ADAMTS17: variants seen among roughly 807,000 people sequenced by gnomAD.
ADAMTS17 encodes A disintegrin and metalloproteinase with thrombospondin motifs 17.
ADAMTS17 carries 113 observed loss-of-function variants against 141.5 expected under a neutral mutation model. That is an observed-to-expected ratio of 0.80 (90% CI 0.69 to 0.93). ADAMTS17 has a LOEUF of 0.93. Among genes scored for constraint, ADAMTS17 ranks in the 40% least tolerant of loss-of-function variants. The pLI is 0.00. For missense variants in ADAMTS17, 1,659 were observed against 1,517.9 expected, an observed-to-expected ratio of 1.09 and a Z score of -1.54; for synonymous variants, 768 against 630.6, an observed-to-expected ratio of 1.22 and a Z score of -3.27.
At chr15:100,023,660 C>G (rs1026667841) in intron 18 of ADAMTS17, among the ~76,000 whole-genome samples, 5 of 152,302 alleles carry the variant, frequency 3.3e-5, no homozygotes, top group Admixed American at 3.3e-4. Flanking sequence ...CTTGCCTTCT[C>G]CCTATCTCTT....
intron 15 of ADAMTS17, chr15:100,074,184 C>T (rs1010286293): frequency 3.9e-5 from 6 of 153,052 alleles, no homozygotes; most frequent in East Asian, 3.9e-4. Context: ...GCGGTGCGGC[C>T]GTAGTCATTT....
intron 3 of ADAMTS17, among the ~76,000 whole-genome samples, chr15:100,295,539 A>T (rs2044778566): frequency 6.6e-6 from 1 of 152,128 alleles, no homozygotes; most frequent in Non-Finnish European, 1.5e-5. Context: ...TCTAGGCACC[A>T]ACTTGGGTAT....
chr15:100,202,883 G>A (rs1027731111), intron 7 of ADAMTS17, among the ~76,000 whole-genome samples: 1 of 152,206 alleles, frequency 6.6e-6, no homozygotes, highest in Non-Finnish European at 1.5e-5. Flanking sequence ...AACTGGAATT[G>A]CCTTATGCTG....
At chr15:100,170,722 C>A (rs1007079113) in intron 8 of ADAMTS17, among the ~76,000 whole-genome samples, 3 of 152,286 alleles carry the variant, frequency 2.0e-5, no homozygotes, top group East Asian at 3.9e-4. Flanking sequence ...TTTTGTTTCC[C>A]TTTTAAACTG....
At chr15:100,210,955 G>C (rs1014726008) in intron 7 of ADAMTS17, among the ~76,000 whole-genome samples, 1 of 152,026 alleles carries the variant, frequency 6.6e-6, no homozygotes. Flanking sequence ...CAAAAAATTA[G>C]CTGGGCGTGG....
intron 7 of ADAMTS17, among the ~76,000 whole-genome samples, chr15:100,211,505 T>C (rs897898018): frequency 2.0e-5 from 3 of 152,070 alleles, no homozygotes; most frequent in Non-Finnish European, 4.4e-5. Context: ...TACACAAGAA[T>C]GGAAACAACT....
chr15:100,200,879 T>C (rs754703618), intron 7 of ADAMTS17, among the ~76,000 whole-genome samples: 31 of 151,828 alleles, frequency 2.0e-4, no homozygotes, highest in Admixed American at 1.6e-3. Flanking sequence ...CTCCATGGGC[T>C]GTCCCTCTGT....
rs970789414 is a variant in ADAMTS17, at chr15:100,250,201, C to G, written c.1075+3935G>C. Reference sequence around the variant, plus strand: ...TTAAAAATCCATCAAGTTTTGCCCTCTTTACATATATGTGAGCTGCACCCT... The same window carrying G: ...TTAAAAATCCATCAAGTTTTGCCCTGTTTACATATATGTGAGCTGCACCCT... On this transcript the variant is annotated intron_variant, in intron 7 of 21. Coordinates refer to ENST00000268070, the MANE Select transcript of ADAMTS17 (RefSeq NM_139057.4). Among the ~76,000 whole-genome samples the G allele has an allele frequency of 2.0e-5, 3 of 152,208 alleles. No homozygotes were observed. In the East Asian group the frequency reaches 5.8e-4, roughly 29 times the overall value.
chr15:100,279,355 A>T (rs530066824), intron 4 of ADAMTS17, among the ~76,000 whole-genome samples: 4 of 152,178 alleles, frequency 2.6e-5, no homozygotes, highest in Non-Finnish European at 5.9e-5. Context: ...GGGCCAGCCC[A>T]GGCTCTGCAC....
intron 12 of ADAMTS17, among the ~76,000 whole-genome samples, chr15:100,119,238 GA>G (rs2037324899): frequency 6.6e-6 from 1 of 152,078 alleles, no homozygotes; most frequent in Non-Finnish European, 1.5e-5. Flanking sequence ...TCTGGTTGTT[GA>G]AGCCGCCTGG....
chr15:100,099,161 A>G (rs2035945608), intron 14 of ADAMTS17, among the ~76,000 whole-genome samples: 1 of 152,172 alleles, frequency 6.6e-6, no homozygotes, highest in African/African-American at 2.4e-5. Flanking sequence ...CTTTCAGTTA[A>G]TTCTGGAGAC....
intron 4 of ADAMTS17, among the ~76,000 whole-genome samples, chr15:100,271,749 G>C (rs1396970140): frequency 2.6e-5 from 4 of 152,116 alleles, no homozygotes; most frequent in South Asian, 2.1e-4. Context: ...ATTCCAATTT[G>C]TCTATTTTTC....
chr15:100,335,174 C>A (rs1305886691), intron 2 of ADAMTS17, among the ~76,000 whole-genome samples: 1 of 152,164 alleles, frequency 6.6e-6, no homozygotes, highest in African/African-American at 2.4e-5. Flanking sequence ...GTCAGTTTAA[C>A]GGGCCCTCCA....
At chr15:99,980,833 AC>A (rs1190003725) in intron 20 of ADAMTS17, 1 of 152,232 alleles carries the variant, frequency 6.6e-6, no homozygotes, top group Non-Finnish European at 1.5e-5. Flanking sequence ...ATTTGAGGTG[AC>A]CTTGCAGACG....
chr15:100,092,203 C>T (rs1016295623), intron 15 of ADAMTS17, among the ~76,000 whole-genome samples: 4 of 152,204 alleles, frequency 2.6e-5, no homozygotes, highest in African/African-American at 7.2e-5. Context: ...CCATTTGACT[C>T]TGTCTTTTAT....
rs750616515 is a variant in ADAMTS17, at chr15:100,096,365, G to A, written c.2128C>T (p.Arg710Trp). ...ATGGGCCAACACTCACCTGTCCCCC[G>A]GGCGTGGCTGAAGTCGCCCTTCACC... Reference protein sequence around the residue: ...HLVKGDFSHARGTALKDSGKG... With the variant: ...HLVKGDFSHAWGTALKDSGKG... Residue 710 changes from arginine to tryptophan, a missense_variant, in exon 15 of 22, where the codon CGG becomes TGG. Transcript: ENST00000268070. 2.0e-5 allele frequency: 32 copies of A among 1,613,616 alleles called. No homozygotes were observed. The highest frequency in any genetic ancestry group is 6.7e-5 in the Admixed American group (4 of 60,008).
intron 16 of ADAMTS17, 98 bp from the exon 17 acceptor site, chr15:100,051,829 A>C (rs1027351893): frequency 5.4e-6 from 8 of 1,471,722 alleles, no homozygotes; most frequent in Non-Finnish European, 7.6e-6. Context: ...CTGTTTCTTT[A>C]TGAGGGGTAA....
chr15:100,116,435 CAA>C (rs2037133157), intron 13 of ADAMTS17, among the ~76,000 whole-genome samples: 1 of 152,228 alleles, frequency 6.6e-6, no homozygotes, highest in Non-Finnish European at 1.5e-5. Context: ...CAAAATAAAC[CAA>C]GAGAAGCAAT....
intron 13 of ADAMTS17, among the ~76,000 whole-genome samples, chr15:100,115,545 T>C (rs1049777025): frequency 2.6e-5 from 4 of 152,214 alleles, no homozygotes; most frequent in Non-Finnish European, 5.9e-5. Context: ...CATCACATGT[T>C]GCTCTACGAG....
Sources: allele counts gnomAD v4.1 joint callset (sites outside exome capture counted in the v4.1 genomes callset), GRCh38; gene constraint gnomAD v4.1.1; transcripts MANE v1.5; gene names NCBI Gene and HGNC (gene_info 2026-07-23, HGNC 2026-07-21).